Variants in SLC25A30 observed in about 807,000 individuals in gnomAD.
The protein encoded by SLC25A30 is kidney mitochondrial carrier protein 1.
In SLC25A30, 29 loss-of-function variants were observed where a neutral mutation model predicts 42.7. That is an observed-to-expected ratio of 0.68 (90% CI 0.51 to 0.93). SLC25A30 has a LOEUF of 0.93. Ranked by LOEUF, SLC25A30 falls within the 40% of genes least tolerant of loss-of-function variation. The probability of loss-of-function intolerance (pLI) is 0.00; values close to 1 mark genes in which losing one functional copy is unlikely to be tolerated. For missense variants in SLC25A30, 300 were observed against 359.7 expected (o/e 0.83, Z 1.34); for synonymous variants, 124 against 131.0 (o/e 0.95, Z 0.37).
chr13:45,433,462 G>A, the SLC25A30 span, among the ~76,000 whole-genome samples: 1 of 152,170 alleles, frequency 6.6e-6, no homozygotes, highest in African/African-American at 2.4e-5. Flanking sequence ...ACCAAGGAGA[G>A]CAAAGCCAGA....
chr13:45,413,014 A>G (rs1465901755), intron 1 of SLC25A30, among the ~76,000 whole-genome samples: 1 of 152,232 alleles, frequency 6.6e-6, no homozygotes, highest in African/African-American at 2.4e-5. Context: ...TCCTTTTCCC[A>G]GGAGAGGACT....
At chr13:45,425,035 AGT>A in the SLC25A30 span, among the ~76,000 whole-genome samples, 59 of 1,196 alleles carry the variant, frequency 0.049, 8 homozygotes, top group African/African-American at 0.088. Context: ...TAAATATATA[AGT>A]ATATATAAAT....
At position 45,409,064 on chromosome 13, in the gene SLC25A30, T is replaced by C; in HGVS notation, c.75A>G (p.Pro25=). The change falls in exon 3 of 10, where the codon CCA becomes CCG. Residue 25 remains proline (P), a synonymous_variant. Coordinates refer to ENST00000519676, the MANE Select transcript of SLC25A30 (RefSeq NM_001010875.4). ...GGAGCCGTGTCTTGGTTAAATCAAT[T>C]GGAAATGTACCTTAAAATTTAAAAA... is the stretch of plus-strand genomic sequence containing the variant. The part of the protein sequence containing the change: ...ASITAECGTF[P]IDLTKTRLQI... 1 of 1,605,754 alleles carries C rather than the reference T, an allele frequency of 6.2e-7. No individual in the cohort carries two copies. The highest frequency in any genetic ancestry group is 1.1e-5 in the South Asian group (1 of 89,020).
At chr13:45,423,693 T>TA in the SLC25A30 span, among the ~76,000 whole-genome samples, 9 of 15,920 alleles carry the variant, frequency 5.7e-4, no homozygotes, top group African/African-American at 2.7e-3. Context: ...TAAATATATA[T>TA]AAATATATAA....
At chr13:45,397,442 C>G in intron 8 of SLC25A30, 104 bp from the exon 9 acceptor site, 1 of 779,940 alleles carries the variant, frequency 1.3e-6, no homozygotes, top group Non-Finnish European at 2.1e-6. Flanking sequence ...CCTTTAATCC[C>G]AGCACTTTGG....
At chr13:45,412,495 T>C (rs1883122625) in intron 1 of SLC25A30, among the ~76,000 whole-genome samples, 1 of 152,170 alleles carries the variant, frequency 6.6e-6, no homozygotes, top group South Asian at 2.1e-4. Context: ...GGAAAGAGGC[T>C]GACTCTGGGG....
At chr13:45,402,831 G>C in intron 5 of SLC25A30, 3 of 985,400 alleles carry the variant, frequency 3.0e-6, no homozygotes, top group South Asian at 9.4e-5. Flanking sequence ...CCAGCCAGCT[G>C]AACCAAAAGG....
chr13:45,394,728 G>C lies in SLC25A30; in HGVS notation c.*1246C>G, dbSNP rs1314384294. On this transcript the variant is annotated 3_prime_UTR_variant, in exon 10 of 10. Transcript: ENST00000519676. ...AAGAAGAGGGAGAATGACTTATTGT[G>C]TCTACAGAAGGAAAGAAAAAGGGAA... is the stretch of plus-strand genomic sequence containing the variant. The C allele has an allele frequency of 1.0e-6, 1 of 985,066 alleles. No individual in the cohort carries two copies. The highest frequency in any genetic ancestry group is 1.2e-6 in the Non-Finnish European group (1 of 829,674). 61.0% of individuals were successfully genotyped at this position (985,066 alleles called of 1,614,324 possible).
At chr13:45,422,002 C>T (rs567580294), upstream of SLC25A30, among the ~76,000 whole-genome samples, 1 of 152,142 alleles carries the variant, frequency 6.6e-6, no homozygotes, top group South Asian at 2.1e-4. Flanking sequence ...CAGTAACATC[C>T]ACACAGCCAA....
At chr13:45,432,215 A>G in the SLC25A30 span, among the ~76,000 whole-genome samples, 6 of 151,402 alleles carry the variant, frequency 4.0e-5, no homozygotes, top group African/African-American at 1.2e-4. Flanking sequence ...GATTGCAGTG[A>G]GCCGAGATCA....
At chr13:45,419,237 T>A (rs1259296611), upstream of SLC25A30, among the ~76,000 whole-genome samples, 1 of 149,432 alleles carries the variant, frequency 6.7e-6, no homozygotes. Flanking sequence ...TATACATATA[T>A]GTAAATATTT....
In SLC25A30 at chr13:45,418,114, T is replaced by G. The variant is rs547184552; in HGVS notation, c.-56+186A>C. On this transcript the variant is annotated intron_variant, in intron 1 of 9. Transcript: ENST00000519676. Reference sequence around the variant, plus strand: ...CCGAGAAGCAGAGCCCTGTCCCCAGTCCCCGGAACCTCGCGCCCCGCCGAG... The same window carrying G: ...CCGAGAAGCAGAGCCCTGTCCCCAGGCCCCGGAACCTCGCGCCCCGCCGAG... The G allele has an allele frequency of 1.1e-4, 17 of 153,142 alleles. 1 individual carries two copies. Among genetic ancestry groups the G allele is most frequent in the African/African-American group, 4.1e-4 (17 of 41,488 alleles). The allele number at this position is 153,142 out of a possible 1,614,324, so 9.5% of individuals were successfully genotyped here.
Position 45,399,078 on chromosome 13 carries a change from G to A in SLC25A30, c.615C>T (p.Leu205=), listed in dbSNP as rs1881667505. The change falls in exon 8 of 10, where the codon CTC becomes CTT. Residue 205 remains leucine (L), a splice_region_variant and synonymous_variant. Transcript: ENST00000519676. The part of the protein sequence containing the change: ...LMGDTVYTHF[L]SSFTCGLAGA... ...CTGCCAGACCACAGGTGAAGCTTGAGCTATAAAGACACCATTGGAAAAAAA... is the reference window on the plus strand; with the variant it reads ...CTGCCAGACCACAGGTGAAGCTTGAACTATAAAGACACCATTGGAAAAAAA... The A allele has an allele frequency of 6.3e-7, 1 of 1,586,238 alleles. No individual in the cohort carries two copies. Among genetic ancestry groups the A allele is most frequent in the Non-Finnish European group, 8.5e-7 (1 of 1,170,956 alleles).
chr13:45,415,793 ATAAT>A (rs1883470791), intron 1 of SLC25A30, among the ~76,000 whole-genome samples: 1 of 140,064 alleles, frequency 7.1e-6, no homozygotes, highest in Non-Finnish European at 1.5e-5. Flanking sequence ...GCCTGGCTGA[ATAAT>A]TTTTTTTTTT....
intron 7 of SLC25A30, among the ~76,000 whole-genome samples, chr13:45,399,770 T>C (rs1881739089): frequency 6.6e-6 from 1 of 152,034 alleles, no homozygotes; most frequent in African/African-American, 2.4e-5. Flanking sequence ...TATCATTTCC[T>C]AGATATCAAA....
chr13:45,397,977 T>G (rs1881534322), intron 8 of SLC25A30: 1 of 985,158 alleles, frequency 1.0e-6, no homozygotes, highest in Admixed American at 6.2e-5. Context: ...GAAGCAATAG[T>G]GGTAGAGATA....
intron 1 of SLC25A30, among the ~76,000 whole-genome samples, chr13:45,413,234 C>G (rs936650980): frequency 5.3e-5 from 8 of 152,154 alleles, no homozygotes; most frequent in Admixed American, 4.6e-4. Flanking sequence ...GGAGCAAGCC[C>G]TCTCCCAAAA....
At chr13:45,411,639 T>C in intron 1 of SLC25A30, 159 bp from the exon 2 acceptor site, 1 of 551,396 alleles carries the variant, frequency 1.8e-6, no homozygotes, top group East Asian at 3.0e-5. Context: ...AGCACCCCTA[T>C]TTCCTCAACC....
At chr13:45,400,144 G>A (rs1247657883) in intron 7 of SLC25A30, among the ~76,000 whole-genome samples, 1 of 151,414 alleles carries the variant, frequency 6.6e-6, no homozygotes, top group Non-Finnish European at 1.5e-5. Flanking sequence ...TGAAGGCCAG[G>A]CCGGCAATGG....
Sources: allele counts gnomAD v4.1 joint callset (sites outside exome capture counted in the v4.1 genomes callset), GRCh38; gene constraint gnomAD v4.1.1; transcripts MANE v1.5; gene names NCBI Gene and HGNC (gene_info 2026-07-23, HGNC 2026-07-21).